The following COG7 variants were observed in gnomAD, a reference collection of about 807,000 sequenced individuals.
The protein encoded by COG7 is component of oligomeric golgi complex 7.
A neutral mutation model predicts 91.5 loss-of-function variants in COG7; 49 were observed. The ratio of observed to expected loss-of-function variants is 0.54; its 90% CI spans 0.43 to 0.68. COG7 has a LOEUF of 0.68. Ranked by LOEUF, COG7 falls within the 30% of genes least tolerant of loss-of-function variation. The pLI is 0.00. For missense variants in COG7, 895 were observed against 961.3 expected, an observed-to-expected ratio of 0.93 and a Z score of 0.91; for synonymous variants, 365 against 388.7, an observed-to-expected ratio of 0.94 and a Z score of 0.72.
intron 4 of COG7, among the ~76,000 whole-genome samples, chr16:23,437,886 A>G (rs1264192812): frequency 6.6e-6 from 1 of 152,164 alleles, no homozygotes; most frequent in Non-Finnish European, 1.5e-5. Context: ...AGAGATTGAG[A>G]CCATCCTGGC....
chr16:23,423,025 A>AGAGTGAGACTCGTCC, intron 7 of COG7, among the ~76,000 whole-genome samples: 2 of 148,784 alleles, frequency 1.3e-5, no homozygotes, highest in Non-Finnish European at 3.0e-5. Context: ...AGCCTGGGCA[A>AGAGTGAGACTCGTCC]CAAAGCAAGT....
intron 6 of COG7, among the ~76,000 whole-genome samples, chr16:23,430,468 TA>T (rs368979969): frequency 2.0e-5 from 3 of 150,348 alleles, no homozygotes; most frequent in Admixed American, 6.6e-5. Context: ...CAATTTTACC[TA>T]AAAAAAATGT....
At chr16:23,402,496 G>A (rs773220212) in intron 13 of COG7, among the ~76,000 whole-genome samples, 1 of 152,150 alleles carries the variant, frequency 6.6e-6, no homozygotes, top group Non-Finnish European at 1.5e-5. Context: ...CATCTACTCT[G>A]TGGCCAGTGC....
intron 3 of COG7, among the ~76,000 whole-genome samples, chr16:23,442,966 G>A (rs932806374): frequency 2.6e-5 from 4 of 151,820 alleles, no homozygotes; most frequent in African/African-American, 9.7e-5. Context: ...CCTGGAAGGT[G>A]GAGACTGCAG....
At chr16:23,441,233 T>C (rs904198623) in intron 4 of COG7, among the ~76,000 whole-genome samples, 1 of 152,214 alleles carries the variant, frequency 6.6e-6, no homozygotes, top group African/African-American at 2.4e-5. Context: ...AGCCATAATT[T>C]GGCAAACTAT....
intron 6 of COG7, among the ~76,000 whole-genome samples, chr16:23,429,878 G>A (rs1261228564): frequency 1.3e-5 from 2 of 152,208 alleles, no homozygotes; most frequent in Non-Finnish European, 2.9e-5. Flanking sequence ...AACACGCTGA[G>A]TGAAAGAAGC....
chr16:23,407,875 G>A (rs573295032), intron 11 of COG7, among the ~76,000 whole-genome samples: 1 of 151,822 alleles, frequency 6.6e-6, no homozygotes, highest in South Asian at 2.1e-4. Flanking sequence ...ACTTGTCACA[G>A]TTGAGGGAAC....
At chr16:23,431,255 T>G (rs1393958598) in intron 6 of COG7, among the ~76,000 whole-genome samples, 1 of 152,184 alleles carries the variant, frequency 6.6e-6, no homozygotes, top group South Asian at 2.1e-4. Context: ...ACATGTGCCC[T>G]GGCTCCTGTG....
At chr16:23,416,896 C>T in intron 9 of COG7, 71 bp downstream of exon 9, 1 of 1,571,514 alleles carries the variant, frequency 6.4e-7, no homozygotes, top group Non-Finnish European at 8.7e-7. Flanking sequence ...AAATACAGAA[C>T]ACGTGCATTT....
At chr16:23,423,561 C>T (rs565266625) in intron 7 of COG7, among the ~76,000 whole-genome samples, 2 of 152,336 alleles carry the variant, frequency 1.3e-5, no homozygotes, top group South Asian at 4.1e-4. Context: ...GGAAGCTTCC[C>T]CATCCACTGG....
intron 13 of COG7, 76 bp downstream of exon 13, chr16:23,403,618 G>T: frequency 6.4e-7 from 1 of 1,570,406 alleles, no homozygotes; most frequent in Non-Finnish European, 8.8e-7. Flanking sequence ...GAACAGGGAG[G>T]GTTAAGCCCA....
intron 6 of COG7, among the ~76,000 whole-genome samples, chr16:23,429,367 T>C (rs529337505): frequency 1.3e-4 from 19 of 145,178 alleles, no homozygotes; most frequent in African/African-American, 3.8e-4. Flanking sequence ...ACCCAAGAGA[T>C]GGGAACATGT....
At chr16:23,435,656 TTAGAAC>T (rs11278248) in intron 4 of COG7, among the ~76,000 whole-genome samples, 16,583 of 152,016 alleles carry the variant, frequency 0.11, 1,646 homozygotes, top group African/African-American at 0.26. Flanking sequence ...TGCCACAGCC[TTAGAAC>T]TATATCAAAA....
intron 11 of COG7, among the ~76,000 whole-genome samples, chr16:23,409,237 G>A (rs979790364): frequency 4.6e-5 from 7 of 152,250 alleles, no homozygotes; most frequent in Non-Finnish European, 8.8e-5. Flanking sequence ...AGGTCAGAAC[G>A]CGCTGGGCCG....
At chr16:23,415,978 T>C (rs967006617) in intron 9 of COG7, 3 of 152,212 alleles carry the variant, frequency 2.0e-5, no homozygotes, top group Non-Finnish European at 4.4e-5. Context: ...TTTCCAGATA[T>C]ACTTTTGTAC....
At position 23,398,109 on chromosome 16, in the gene COG7, G is replaced by GT; in HGVS notation, c.1823_1824insA (p.Gly609ArgfsTer7). The GT allele has an allele frequency of 6.2e-7, 1 of 1,614,102 alleles. No individual in the cohort carries two copies. ...GCAGTTCATCTGTGAGGGTTTCTCC[G>GT]ATGCCAGCCGTATTCCAGCTCTAAG... On this transcript the variant is annotated frameshift_variant, in exon 14 of 17. Coordinates refer to ENST00000307149, the MANE Select transcript of COG7 (RefSeq NM_153603.4). LOFTEE classifies it high-confidence loss of function.
intron 15 of COG7, among the ~76,000 whole-genome samples, chr16:23,392,876 A>G (rs1236703991): frequency 6.6e-6 from 1 of 152,150 alleles, no homozygotes; most frequent in Non-Finnish European, 1.5e-5. Context: ...GGTTGTGGTG[A>G]GTCAAGATCG....
chr16:23,410,219 C>T, intron 11 of COG7, 76 bp downstream of exon 11: 1 of 1,182,758 alleles, frequency 8.5e-7, no homozygotes, highest in Non-Finnish European at 1.3e-6. Context: ...GCTGTCCTTG[C>T]TGTACTGTGT....
rs778874347 is a variant in COG7 at position 23,389,016 on chromosome 16, T to C, written c.2217A>G (p.Leu739=). 6.2e-7 allele frequency: 1 copy of C among 1,614,072 alleles called. No homozygotes were observed. Among genetic ancestry groups the C allele is most frequent in the South Asian group, 1.1e-5 (1 of 91,078 alleles). The change falls in exon 17 of 17, where the codon CTA becomes CTG. Residue 739 remains leucine (L), a synonymous_variant. Transcript: ENST00000307149. The part of the protein sequence containing the change: ...PSRTLQHIVT[L]LKTRPEDYRQ... ...TATAGTCCTCAGGCCTGGTCTTCAGTAGCGTCACGATGTGCTGGAGGGTGC... is the reference window on the plus strand; with the variant it reads ...TATAGTCCTCAGGCCTGGTCTTCAGCAGCGTCACGATGTGCTGGAGGGTGC...
Sources: allele counts gnomAD v4.1 joint callset (sites outside exome capture counted in the v4.1 genomes callset), GRCh38; gene constraint gnomAD v4.1.1; transcripts MANE v1.5; gene names NCBI Gene and HGNC (gene_info 2026-07-23, HGNC 2026-07-21).